TFDP2: variants seen among roughly 807,000 people sequenced by gnomAD.
TFDP2 encodes transcription factor Dp-2.
A neutral mutation model predicts 59.3 loss-of-function variants in TFDP2; 17 were observed. That is an observed-to-expected ratio of 0.29 (90% CI 0.20 to 0.43). TFDP2 has a LOEUF of 0.43. TFDP2 is among the 20% of genes least tolerant of loss of function. TFDP2 has a pLI of 1.00. For missense variants in TFDP2, 391 were observed against 528.8 expected (o/e 0.74, Z 2.56); for synonymous variants, 180 against 194.7 (o/e 0.92, Z 0.63).
rs1219731529 is a variant in TFDP2, at chr3:142,121,407, A to G, written c.-92-19566T>C. Among the ~76,000 whole-genome samples the G allele has an allele frequency of 6.6e-6, 1 of 152,224 alleles. No homozygotes were observed. ...GGGCACTATGGAAGCACAAAGGAAC[A>G]GCTTCTAATTCAGCTAAAGGGTGGG... On this transcript the variant is annotated intron_variant, in intron 1 of 12. Transcript: ENST00000489671. The surrounding 1 kb of genome is among the most constrained non-coding windows in gnomAD (Gnocchi z 4.3).
intron 10 of TFDP2, among the ~76,000 whole-genome samples, chr3:141,961,223 C>T (rs1247482216): frequency 3.4e-5 from 5 of 145,330 alleles, no homozygotes; most frequent in Admixed American, 6.9e-5. Flanking sequence ...TTCCAGAATT[C>T]TCAGTTTTTT....
intron 3 of TFDP2, among the ~76,000 whole-genome samples, chr3:142,065,502 G>T (rs1348989031): frequency 6.7e-6 from 1 of 150,206 alleles, no homozygotes; most frequent in South Asian, 2.1e-4. Context: ...GTGTGTGTGT[G>T]TGTGTGGGTG....
intron 4 of TFDP2, 41 bp downstream of exon 4, chr3:142,005,400 C>T (rs757992846): frequency 1.4e-6 from 2 of 1,472,536 alleles, no homozygotes; most frequent in South Asian, 1.2e-5. Flanking sequence ...TTAGTCTTGG[C>T]TAAACAAAGT....
At chr3:142,074,617 C>T (rs551779614) in intron 3 of TFDP2, among the ~76,000 whole-genome samples, 6 of 151,822 alleles carry the variant, frequency 4.0e-5, no homozygotes, top group African/African-American at 1.4e-4. Context: ...CTTGGGAGGC[C>T]GAGGCAGGTG....
chr3:142,060,327 T>C (rs966423869), intron 3 of TFDP2, among the ~76,000 whole-genome samples: 5 of 152,200 alleles, frequency 3.3e-5, no homozygotes, highest in Non-Finnish European at 5.9e-5. Flanking sequence ...CTTTCTCATA[T>C]CCATCTTAAG....
At chr3:142,012,673 T>C (rs910427630) in intron 3 of TFDP2, among the ~76,000 whole-genome samples, 8 of 152,164 alleles carry the variant, frequency 5.3e-5, no homozygotes, top group African/African-American at 1.9e-4. Flanking sequence ...AAAAACTACA[T>C]ATACATATAT....
intron 1 of TFDP2, among the ~76,000 whole-genome samples, chr3:142,129,135 G>A (rs2062393012): frequency 6.6e-6 from 1 of 152,036 alleles, no homozygotes; most frequent in South Asian, 2.1e-4. Flanking sequence ...ATGAAGCGCA[G>A]AGCTGGTATT....
At chr3:142,079,812 G>A (rs1433883372) in intron 3 of TFDP2, among the ~76,000 whole-genome samples, 1 of 152,140 alleles carries the variant, frequency 6.6e-6, no homozygotes, top group East Asian at 1.9e-4. Context: ...CTTCAAACAT[G>A]AAGGAGAAAT....
At chr3:142,105,555 A>G (rs2061443721) in intron 1 of TFDP2, among the ~76,000 whole-genome samples, 1 of 152,124 alleles carries the variant, frequency 6.6e-6, no homozygotes, top group Non-Finnish European at 1.5e-5. Flanking sequence ...TCAGTACTCA[A>G]TGATGTTATA....
intron 11 of TFDP2, among the ~76,000 whole-genome samples, chr3:141,954,783 G>A (rs889088736): frequency 6.6e-6 from 1 of 152,060 alleles, no homozygotes; most frequent in African/African-American, 2.4e-5. Flanking sequence ...AATGTAATCT[G>A]CCAAAATGAG....
intron 1 of TFDP2, among the ~76,000 whole-genome samples, chr3:142,114,722 G>A (rs1468883658): frequency 1.3e-5 from 2 of 151,320 alleles, no homozygotes; most frequent in African/African-American, 4.9e-5. Context: ...TGATGTATGT[G>A]CTCACTACAA....
chr3:142,059,480 G>A (rs1415106771), intron 3 of TFDP2, among the ~76,000 whole-genome samples: 3 of 152,110 alleles, frequency 2.0e-5, no homozygotes, highest in Admixed American at 2.0e-4. Context: ...TTATAATTCA[G>A]AGTAGAAGAG....
chr3:141,990,204 T>C (rs1352071272), intron 6 of TFDP2, among the ~76,000 whole-genome samples: 1 of 152,132 alleles, frequency 6.6e-6, no homozygotes, highest in African/African-American at 2.4e-5. Context: ...CCTTTAATTA[T>C]TTTTTATACT....
chr3:141,962,900 C>T (rs768918841), intron 10 of TFDP2, among the ~76,000 whole-genome samples: 1 of 152,094 alleles, frequency 6.6e-6, no homozygotes, highest in Admixed American at 6.5e-5. Context: ...TTAATAAATC[C>T]CTATTTGAAC....
chr3:142,074,638 G>A lies in TFDP2; in HGVS notation c.82+18423C>T, dbSNP rs147180105. On this transcript the variant is annotated intron_variant, in intron 3 of 12. Transcript: ENST00000489671. ...AGGCCGAGGCAGGTGGATCACCTGA[G>A]GCCAGGAGATTGAGACCAGCCTGAA... 1.4e-4 allele frequency among the ~76,000 whole-genome samples: 21 copies of A among 152,086 alleles called. 1 individual carries two copies. The highest frequency in any genetic ancestry group is 5.1e-4 in the African/African-American group (21 of 41,508).
At chr3:142,113,108 A>C (rs571613805) in intron 1 of TFDP2, among the ~76,000 whole-genome samples, 2 of 152,332 alleles carry the variant, frequency 1.3e-5, no homozygotes, top group Non-Finnish European at 2.9e-5. Flanking sequence ...ACTCATGCAC[A>C]ATGACTACAT....
intron 3 of TFDP2, among the ~76,000 whole-genome samples, chr3:142,075,739 A>G (rs1283137526): frequency 1.4e-5 from 2 of 146,922 alleles, no homozygotes; most frequent in Non-Finnish European, 3.0e-5. Context: ...CTACAGAAAA[A>G]AAAAAAAAAA....
chr3:141,983,603 T>A (rs1210317011), intron 6 of TFDP2, among the ~76,000 whole-genome samples: 2 of 144,600 alleles, frequency 1.4e-5, no homozygotes, highest in African/African-American at 2.6e-5. Context: ...CACGCCAGCC[T>A]GGGAGTGAGA....
At chr3:142,083,655 C>A (rs1475852411) in intron 3 of TFDP2, among the ~76,000 whole-genome samples, 2 of 152,136 alleles carry the variant, frequency 1.3e-5, no homozygotes, top group Non-Finnish European at 2.9e-5. Context: ...AAAAAACAGA[C>A]ACATAGACCA....
Sources: gnomAD v4.1 joint callset for allele counts (sites outside exome capture counted in the v4.1 genomes callset) on GRCh38, gnomAD v4.1.1 for gene constraint, Gnocchi (gnomAD v3.1) non-coding constraint, MANE v1.5 for transcripts, NCBI Gene and HGNC (gene_info 2026-07-23, HGNC 2026-07-21) for gene names.